Variants in PACRG observed in about 807,000 individuals in gnomAD.
The protein encoded by PACRG is parkin coregulated gene protein.
Under a neutral mutation model 29.7 loss-of-function variants are expected in PACRG, and 29 were observed. That is an observed-to-expected ratio of 0.98 (90% CI 0.73 to 1.33). The LOEUF is 1.33. PACRG is among the 40% of genes most tolerant of loss of function. The pLI, the probability that PACRG is intolerant of heterozygous loss-of-function variation, is 0.00. For synonymous variants in PACRG, 116 were observed against 118.7 expected, an observed-to-expected ratio of 0.98 and a Z score of 0.15; for missense variants, 279 against 316.2, an observed-to-expected ratio of 0.88 and a Z score of 0.89.
At chr6:163,276,011 C>CTTTCTTTCTTTCTTTCTTTCTTTCT (rs1383036227) in intron 4 of PACRG, among the ~76,000 whole-genome samples, 9 of 143,556 alleles carry the variant, frequency 6.3e-5, no homozygotes, top group African/African-American at 2.5e-4. Context: ...TTCCTTCCTT[C>CTTTCTTTCTTTCTTTCTTTCTTTCT]TTTCTTTCTT....
At chr6:163,185,514 C>A (rs1779877170) in intron 4 of PACRG, among the ~76,000 whole-genome samples, 1 of 152,002 alleles carries the variant, frequency 6.6e-6, no homozygotes, top group Admixed American at 6.6e-5. Flanking sequence ...AATATATAAG[C>A]CATTTTAAAG....
chr6:162,789,943 G>A (rs1784804355), intron 1 of PACRG, among the ~76,000 whole-genome samples: 1 of 152,106 alleles, frequency 6.6e-6, no homozygotes, highest in Non-Finnish European at 1.5e-5. Context: ...TGCATATGGA[G>A]TAACACCTGA....
chr6:163,266,252 A>T (rs1345713810), intron 4 of PACRG, among the ~76,000 whole-genome samples: 1 of 152,250 alleles, frequency 6.6e-6, no homozygotes, highest in Admixed American at 6.5e-5. Flanking sequence ...CTGTAAAATC[A>T]GAAACCGGAT....
Position 162,814,181 on chromosome 6 carries a change from A to G in PACRG, c.191A>G (p.Glu64Gly). The G allele has an allele frequency of 1.9e-6, 3 of 1,613,540 alleles. No homozygotes were observed. The highest frequency in any genetic ancestry group is 1.1e-5 in the South Asian group (1 of 91,040). ...RGPPAAGAFK[E>G]RPTKPTAFRK... ...CCTCCAGCTGCAGGGGCATTTAAAGAAAGACCAACCAAGCCCACAGCATTT... is the reference window on the plus strand; with the variant it reads ...CCTCCAGCTGCAGGGGCATTTAAAGGAAGACCAACCAAGCCCACAGCATTT... Residue 64 changes from glutamate to glycine, a missense_variant, in exon 2 of 5, where the codon GAA becomes GGA. Glu to Gly is a moderately conservative substitution (Grantham distance 98, BLOSUM62 -2). Transcript: ENST00000366888.
At chr6:162,800,986 G>A (rs757644065) in intron 1 of PACRG, among the ~76,000 whole-genome samples, 4 of 152,148 alleles carry the variant, frequency 2.6e-5, no homozygotes, top group Non-Finnish European at 4.4e-5. Context: ...GCGCTGAGCC[G>A]TCTTCTGAAC....
intron 4 of PACRG, among the ~76,000 whole-genome samples, chr6:163,175,594 G>A (rs1432513259): frequency 6.6e-6 from 1 of 152,064 alleles, no homozygotes; most frequent in Non-Finnish European, 1.5e-5. Context: ...GTGGTGAGCA[G>A]CTGCTGGGGT....
chr6:163,092,184 CATTAG>C (rs1814170278), intron 4 of PACRG, among the ~76,000 whole-genome samples: 2 of 152,196 alleles, frequency 1.3e-5, no homozygotes, highest in African/African-American at 4.8e-5. Flanking sequence ...AAAGCGCAAA[CATTAG>C]ATTAGTTCTA....
chr6:162,846,218 C>A (rs1219860004), intron 2 of PACRG, among the ~76,000 whole-genome samples: 1 of 152,138 alleles, frequency 6.6e-6, no homozygotes, highest in Non-Finnish European at 1.5e-5. Context: ...GCTTTCCTAG[C>A]CCTGCCAGAC....
At chr6:162,926,041 A>G (rs1454341178) in intron 2 of PACRG, among the ~76,000 whole-genome samples, 1 of 152,030 alleles carries the variant, frequency 6.6e-6, no homozygotes, top group Non-Finnish European at 1.5e-5. Flanking sequence ...TCATGAATGA[A>G]CTCCCATTCA....
intron 4 of PACRG, among the ~76,000 whole-genome samples, chr6:163,253,367 A>T (rs1306977306): frequency 6.6e-6 from 1 of 151,990 alleles, no homozygotes; most frequent in East Asian, 1.9e-4. Flanking sequence ...AGCTCTTGTG[A>T]TATTTCTAAG....
At chr6:163,288,594 T>C (rs557392772) in intron 4 of PACRG, among the ~76,000 whole-genome samples, 1 of 152,360 alleles carries the variant, frequency 6.6e-6, no homozygotes, top group Non-Finnish European at 1.5e-5. Flanking sequence ...AAAAATCCCA[T>C]GTTGCCAAGT....
chr6:163,186,536 G>T (rs1432694029), intron 4 of PACRG, among the ~76,000 whole-genome samples: 1 of 152,114 alleles, frequency 6.6e-6, no homozygotes, highest in Non-Finnish European at 1.5e-5. Context: ...TGTGCCCACA[G>T]TCTCATCTCT....
At chr6:162,981,749 C>A (rs1032700136) in intron 2 of PACRG, among the ~76,000 whole-genome samples, 1 of 151,918 alleles carries the variant, frequency 6.6e-6, no homozygotes, top group African/African-American at 2.4e-5. Context: ...AGAAGTCTTT[C>A]ATGTCCTTGA....
At chr6:163,314,045 C>T (rs557728906) in intron 4 of PACRG, among the ~76,000 whole-genome samples, 4 of 152,066 alleles carry the variant, frequency 2.6e-5, no homozygotes, top group Non-Finnish European at 4.4e-5. Context: ...AGAGGAGAGG[C>T]TCTTAGCCAT....
intron 2 of PACRG, among the ~76,000 whole-genome samples, chr6:163,018,384 T>G (rs1159026775): frequency 6.6e-6 from 1 of 152,210 alleles, no homozygotes; most frequent in Non-Finnish European, 1.5e-5. Context: ...CCAGATAGTT[T>G]GGTTTTCTGA....
chr6:162,947,623 T>TA (rs796220707), intron 2 of PACRG, among the ~76,000 whole-genome samples: 9 of 33,852 alleles, frequency 2.7e-4, no homozygotes, highest in South Asian at 1.3e-3. Context: ...TATATATATA[T>TA]ATATATATAT....
Position 163,062,305 on chromosome 6 carries a change from CATT to C in PACRG, c.450_452del (p.Ile151del). On this transcript the variant is annotated inframe_deletion, in exon 3 of 5. Coordinates refer to ENST00000366888, the MANE Select transcript of PACRG (RefSeq NM_001080379.2). ...AGATCCTACCTGTCCTTCCACAGCT[CATT>C]ATCCCGATAAAAAGTAAGTGAACCG... The C allele has an allele frequency of 2.5e-6, 4 of 1,610,384 alleles. No homozygotes were observed. Among genetic ancestry groups the C allele is most frequent in the African/African-American group, 1.3e-5 (1 of 74,776 alleles).
At chr6:162,968,183 A>G (rs775162892) in intron 2 of PACRG, among the ~76,000 whole-genome samples, 3 of 152,184 alleles carry the variant, frequency 2.0e-5, no homozygotes, top group Admixed American at 1.3e-4. Flanking sequence ...TCTCTCTTCC[A>G]CTGTGTTAGA....
At chr6:162,794,052 A>G (rs1785170258) in intron 1 of PACRG, among the ~76,000 whole-genome samples, 1 of 152,166 alleles carries the variant, frequency 6.6e-6, no homozygotes, top group East Asian at 1.9e-4. Flanking sequence ...GCAATGGTAA[A>G]TGGTTTCCAA....
Sources: gnomAD v4.1 joint callset for allele counts (sites outside exome capture counted in the v4.1 genomes callset) on GRCh38, gnomAD v4.1.1 for gene constraint, MANE v1.5 for transcripts, NCBI Gene and HGNC (gene_info 2026-07-23, HGNC 2026-07-21) for gene names.